CNTN5: variants seen among roughly 807,000 people sequenced by gnomAD.
The protein encoded by CNTN5 is contactin-5.
Under a neutral mutation model 129.1 loss-of-function variants are expected in CNTN5, and 77 were observed. The observed-to-expected ratio is 0.60, with a 90% CI of 0.50 to 0.72. CNTN5 has a LOEUF of 0.72. Ranked by LOEUF, CNTN5 falls within the 30% of genes least tolerant of loss-of-function variation. CNTN5 has a pLI of 0.00. For missense variants in CNTN5, 1,478 were observed against 1,328.8 expected (o/e 1.11, Z -1.75); for synonymous variants, 509 against 465.6 (o/e 1.09, Z -1.20).
At chr11:99,231,918 T>C (rs1158434183) in intron 1 of CNTN5, among the ~76,000 whole-genome samples, 2 of 152,214 alleles carry the variant, frequency 1.3e-5, no homozygotes, top group Non-Finnish European at 2.9e-5. Context: ...CATTTCCTCA[T>C]TGCTTGTTTT....
intron 18 of CNTN5, among the ~76,000 whole-genome samples, chr11:100,281,139 G>C (rs1950627627): frequency 6.6e-6 from 1 of 152,082 alleles, no homozygotes; most frequent in Admixed American, 6.6e-5. Flanking sequence ...CAGTTACAGT[G>C]TTATAATATT....
chr11:99,914,928 A>G (rs1358294752), intron 6 of CNTN5, among the ~76,000 whole-genome samples: 1 of 152,062 alleles, frequency 6.6e-6, no homozygotes, highest in African/African-American at 2.4e-5. Flanking sequence ...CATATCCACT[A>G]GTGTATTTTC....
Position 99,648,922 on chromosome 11 carries a change from G to A in CNTN5, c.55+92653G>A, listed in dbSNP as rs563263131. Among the ~76,000 whole-genome samples, 78 of 151,674 alleles carry A rather than the reference G, an allele frequency of 5.1e-4. 1 individual carries two copies. Among genetic ancestry groups the A allele is most frequent in the African/African-American group, 1.7e-3 (72 of 41,448 alleles). On this transcript the variant is annotated intron_variant, in intron 3 of 24. Transcript: ENST00000524871. Reference sequence around the variant, plus strand: ...GAATGGTAGGAAGAAGCAGGGAGGGGGATAGGGAGAAATTTGTTAAAGGAT... The same window carrying A: ...GAATGGTAGGAAGAAGCAGGGAGGGAGATAGGGAGAAATTTGTTAAAGGAT...
At chr11:100,199,029 T>C (rs1387666547) in intron 15 of CNTN5, among the ~76,000 whole-genome samples, 1 of 151,984 alleles carries the variant, frequency 6.6e-6, no homozygotes, top group African/African-American at 2.4e-5. Context: ...AACATTCTGT[T>C]TCCTGATTGA....
At position 99,892,248 on chromosome 11, in the gene CNTN5, TG is replaced by T. The variant is rs1370352175; in HGVS notation, c.578-23805del. Reference sequence around the variant, plus strand: ...TTAGCCCTTTGTCAGAAGGATAGATTGCAAAAATTTTCTTTCATTCTGTAGG... The same window carrying T: ...TTAGCCCTTTGTCAGAAGGATAGATTCAAAAATTTTCTTTCATTCTGTAGG... On this transcript the variant is annotated intron_variant, in intron 6 of 24. Transcript: ENST00000524871. Among the ~76,000 whole-genome samples, 4 of 152,192 alleles carry T rather than the reference TG, an allele frequency of 2.6e-5. No homozygotes were observed. The East Asian group carries it at 7.7e-4, about 29-fold the overall frequency.
chr11:99,173,344 C>G (rs1389010123), intron 1 of CNTN5, among the ~76,000 whole-genome samples: 1 of 152,074 alleles, frequency 6.6e-6, no homozygotes, highest in Non-Finnish European at 1.5e-5. Context: ...CCACATGGTC[C>G]AAAATGCTAG....
chr11:99,707,932 A>G (rs1591510422), intron 3 of CNTN5, among the ~76,000 whole-genome samples: 2 of 151,766 alleles, frequency 1.3e-5, no homozygotes, highest in Non-Finnish European at 3.0e-5. Flanking sequence ...ATACTTTAAA[A>G]GGTATAAAGC....
intron 3 of CNTN5, among the ~76,000 whole-genome samples, chr11:99,626,155 G>A (rs1834913615): frequency 6.6e-6 from 1 of 151,922 alleles, no homozygotes; most frequent in South Asian, 2.1e-4. Flanking sequence ...TCATGCAAGC[G>A]AAGACATGCA....
chr11:100,184,856 C>A (rs1027869491), intron 13 of CNTN5, among the ~76,000 whole-genome samples: 1 of 152,054 alleles, frequency 6.6e-6, no homozygotes, highest in African/African-American at 2.4e-5. Flanking sequence ...CCACCTAAAT[C>A]TCATCTACAT....
At chr11:99,975,288 CT>C (rs914230476) in intron 8 of CNTN5, among the ~76,000 whole-genome samples, 2 of 152,132 alleles carry the variant, frequency 1.3e-5, no homozygotes, top group African/African-American at 4.8e-5. Flanking sequence ...TATTTTGGAG[CT>C]TACGTTTTAA....
intron 6 of CNTN5, among the ~76,000 whole-genome samples, chr11:99,868,953 C>A (rs1469706159): frequency 2.0e-5 from 3 of 152,068 alleles, no homozygotes; most frequent in African/African-American, 7.2e-5. Context: ...TGCTGACAGG[C>A]AATAGCAGTG....
intron 3 of CNTN5, among the ~76,000 whole-genome samples, chr11:99,600,103 C>A (rs111446736): frequency 0.027 from 4,121 of 152,140 alleles, 193 homozygotes; most frequent in African/African-American, 0.094. Flanking sequence ...AATGGCTACA[C>A]TTAACAAAAA....
chr11:99,031,813 T>A (rs1241186814), intron 1 of CNTN5, among the ~76,000 whole-genome samples: 1 of 151,808 alleles, frequency 6.6e-6, no homozygotes, highest in Non-Finnish European at 1.5e-5. Flanking sequence ...ATGTGCACAA[T>A]GTGCAGGTTA....
intron 8 of CNTN5, among the ~76,000 whole-genome samples, chr11:99,967,578 C>A: frequency 6.6e-6 from 1 of 152,082 alleles, no homozygotes; most frequent in East Asian, 1.9e-4. Context: ...AAGACCAACT[C>A]CAAAAGGATT....
intron 15 of CNTN5, among the ~76,000 whole-genome samples, chr11:100,210,621 GATTAC>G (rs1365695409): frequency 1.3e-5 from 2 of 152,128 alleles, no homozygotes; most frequent in Non-Finnish European, 2.9e-5. Context: ...AATGATGATA[GATTAC>G]ATTAGGCAGT....
chr11:100,085,764 A>G (rs1310442575), intron 13 of CNTN5, among the ~76,000 whole-genome samples: 1 of 152,114 alleles, frequency 6.6e-6, no homozygotes, highest in East Asian at 1.9e-4. Flanking sequence ...GTAACAAGTA[A>G]CAGAGCCAAA....
intron 4 of CNTN5, among the ~76,000 whole-genome samples, chr11:99,824,723 C>A (rs535144662): frequency 2.1e-4 from 32 of 151,954 alleles, no homozygotes; most frequent in African/African-American, 7.5e-4. Context: ...GGTGTTTAAA[C>A]CACATGAAAT....
intron 1 of CNTN5, among the ~76,000 whole-genome samples, chr11:99,206,951 C>T (rs1425557240): frequency 6.6e-6 from 1 of 152,060 alleles, no homozygotes; most frequent in Non-Finnish European, 1.5e-5. Flanking sequence ...TATCAAATTA[C>T]TGCCATCTAT....
chr11:99,550,292 A>G (rs12049887), intron 2 of CNTN5, among the ~76,000 whole-genome samples: 14,340 of 152,138 alleles, frequency 0.094, 1,493 homozygotes, highest in East Asian at 0.46. Flanking sequence ...GGTCCTCAAA[A>G]GATATATGAC....
Sources: allele counts gnomAD v4.1 joint callset (sites outside exome capture counted in the v4.1 genomes callset), GRCh38; gene constraint gnomAD v4.1.1; transcripts MANE v1.5; gene names NCBI Gene and HGNC (gene_info 2026-07-23, HGNC 2026-07-21).